Variants in TTC23 observed in about 807,000 individuals in gnomAD.
TTC23 encodes the protein tetratricopeptide repeat domain 23, also known as tetratricopeptide repeat protein 23.
Under a neutral mutation model 55.1 loss-of-function variants are expected in TTC23, and 58 were observed. The observed-to-expected ratio is 1.05, with a 90% CI of 0.85 to 1.31. TTC23 has a LOEUF of 1.31. TTC23 is among the 50% of genes most tolerant of loss of function. The pLI is 0.00. For synonymous variants in TTC23, 203 were observed against 199.9 expected (o/e 1.02, Z -0.13); for missense variants, 516 against 534.4 (o/e 0.97, Z 0.34).
At chr15:99,167,923 G>A (rs1011989487) in intron 10 of TTC23, among the ~76,000 whole-genome samples, 2 of 152,202 alleles carry the variant, frequency 1.3e-5, no homozygotes, top group African/African-American at 4.8e-5. Context: ...CCAAATCATA[G>A]CCTGGCGCTA....
chr15:99,153,521 T>C (rs2070130324), intron 12 of TTC23, among the ~76,000 whole-genome samples: 1 of 152,250 alleles, frequency 6.6e-6, no homozygotes, highest in Admixed American at 6.5e-5. Context: ...TCTTTTGGTT[T>C]GATTAATTAT....
chr15:99,174,509 G>C (rs1401578572), intron 10 of TTC23, among the ~76,000 whole-genome samples: 1 of 151,412 alleles, frequency 6.6e-6, no homozygotes, highest in Non-Finnish European at 1.5e-5. Context: ...TGCCAACGGA[G>C]GCACATTGTA....
upstream of TTC23, among the ~76,000 whole-genome samples, chr15:99,250,017 C>CT (rs2080589306): frequency 6.6e-6 from 1 of 152,028 alleles, no homozygotes; most frequent in Admixed American, 6.5e-5. Flanking sequence ...GAAATGAAAA[C>CT]TAAGAGGCTA....
At chr15:99,247,847 G>A (rs951789102) in intron 1 of TTC23, among the ~76,000 whole-genome samples, 2 of 55,242 alleles carry the variant, frequency 3.6e-5, no homozygotes, top group South Asian at 9.3e-4. Flanking sequence ...TTCTAAAATT[G>A]GAATGTGGTG....
chr15:99,153,462 T>C lies in TTC23; in HGVS notation c.1143+2686A>G, dbSNP rs2070119530. On this transcript the variant is annotated intron_variant, in intron 12 of 13. Transcript: ENST00000394132. Reference sequence around the variant, plus strand: ...TTTTGCAGCAGAATCAGAAAAATCATAAGAGAAAAATACTCGATTTATAGG... The same window carrying C: ...TTTTGCAGCAGAATCAGAAAAATCACAAGAGAAAAATACTCGATTTATAGG... Among the ~76,000 whole-genome samples the C allele has an allele frequency of 1.3e-5, 2 of 152,216 alleles. 1 individual carries two copies. Among genetic ancestry groups the C allele is most frequent in the South Asian group, 4.1e-4 (2 of 4,834 alleles).
At chr15:99,182,248 T>TCTCACA (rs1286172224) in intron 9 of TTC23, among the ~76,000 whole-genome samples, 73 of 108,682 alleles carry the variant, frequency 6.7e-4, no homozygotes, top group African/African-American at 2.7e-3. Flanking sequence ...TCTCTCTCTC[T>TCTCACA]CACACACACA....
chr15:99,188,877 C>A (rs939882959), intron 9 of TTC23, among the ~76,000 whole-genome samples: 2 of 151,990 alleles, frequency 1.3e-5, no homozygotes, highest in African/African-American at 4.8e-5. Context: ...ACAAATGATA[C>A]AAGCTTAATT....
intron 9 of TTC23, among the ~76,000 whole-genome samples, chr15:99,180,806 A>C (rs985281215): frequency 2.6e-5 from 4 of 152,230 alleles, no homozygotes; most frequent in Non-Finnish European, 5.9e-5. Context: ...GTACACAAGA[A>C]GATCAAGGTA....
intron 3 of TTC23, among the ~76,000 whole-genome samples, chr15:99,239,295 G>T (rs1434355478): frequency 1.3e-5 from 2 of 152,100 alleles, no homozygotes; most frequent in Non-Finnish European, 2.9e-5. Flanking sequence ...GACCACCCTG[G>T]CCAACACAGT....
chr15:99,140,274 C>T (rs1460977008), intron 12 of TTC23: 1 of 152,378 alleles, frequency 6.6e-6, no homozygotes, highest in Non-Finnish European at 1.5e-5. Flanking sequence ...TGGATCACTA[C>T]CCCAAATCAA....
chr15:99,171,385 TATGAACTC>T (rs1412963534), intron 10 of TTC23, among the ~76,000 whole-genome samples: 1 of 152,058 alleles, frequency 6.6e-6, no homozygotes, highest in Non-Finnish European at 1.5e-5. Context: ...GAGGTGGCAG[TATGAACTC>T]ATCTGTAAAA....
intron 8 of TTC23, among the ~76,000 whole-genome samples, chr15:99,206,315 G>A (rs553517301): frequency 2.6e-5 from 4 of 152,114 alleles, no homozygotes; most frequent in South Asian, 2.1e-4. Context: ...GAGACAACGC[G>A]GACCTCATAG....
chr15:99,139,268 T>G (rs2067930078), intron 13 of TTC23, 49 bp downstream of exon 13: 6 of 1,591,722 alleles, frequency 3.8e-6, no homozygotes, highest in Non-Finnish European at 4.3e-6. Context: ...CTTGAGATTC[T>G]GAATGGAAAG....
chr15:99,139,596 T>G, intron 12 of TTC23, 197 bp from the exon 13 acceptor site: 1 of 1,530,380 alleles, frequency 6.5e-7, no homozygotes, highest in Non-Finnish European at 8.8e-7. Context: ...AGTGAACAGT[T>G]TTAGCACTAT....
intron 9 of TTC23, among the ~76,000 whole-genome samples, chr15:99,195,870 A>G (rs2075657182): frequency 6.3e-5 from 1 of 15,874 alleles, no homozygotes; most frequent in Non-Finnish European, 1.3e-4. Flanking sequence ...AAACTGCTAA[A>G]AAAAAAAAAA....
At chr15:99,201,227 C>A (rs1308845850) in intron 8 of TTC23, among the ~76,000 whole-genome samples, 7 of 152,082 alleles carry the variant, frequency 4.6e-5, no homozygotes, top group Non-Finnish European at 1.0e-4. Context: ...TATTTCTATA[C>A]CTTCTTAGAA....
intron 9 of TTC23, among the ~76,000 whole-genome samples, chr15:99,195,819 C>A (rs80088609): frequency 6.7e-6 from 1 of 149,080 alleles, no homozygotes. Flanking sequence ...GGGGCAGGGG[C>A]TATATCTTTG....
chr15:99,156,378 A>C, intron 11 of TTC23, 81 bp from the exon 12 acceptor site: 1 of 1,535,458 alleles, frequency 6.5e-7, no homozygotes, highest in Non-Finnish European at 8.9e-7. Flanking sequence ...ACATTTTCAC[A>C]TGGGTGTGGT....
chr15:99,247,404 C>T (rs1380234718), intron 1 of TTC23, among the ~76,000 whole-genome samples: 1 of 152,154 alleles, frequency 6.6e-6, no homozygotes. Context: ...AAATACTGTA[C>T]TGTATTTACT....
Sources: gnomAD v4.1 joint callset for allele counts (sites outside exome capture counted in the v4.1 genomes callset) on GRCh38, gnomAD v4.1.1 for gene constraint, MANE v1.5 for transcripts, NCBI Gene and HGNC (gene_info 2026-07-23, HGNC 2026-07-21) for gene names.